TTC28: variants seen among roughly 807,000 people sequenced by gnomAD.
The protein encoded by TTC28 is tetratricopeptide repeat protein 28.
A neutral mutation model predicts 198.0 loss-of-function variants in TTC28; 61 were observed. That is an observed-to-expected ratio of 0.31 (90% CI 0.25 to 0.38). The LOEUF (loss-of-function observed/expected upper bound fraction) is 0.38. Ranked by LOEUF, TTC28 falls within the 10% of genes least tolerant of loss-of-function variation. The pLI, the probability that TTC28 is intolerant of heterozygous loss-of-function variation, is 1.00. For synonymous variants in TTC28, 1,171 were observed against 1,297.8 expected (o/e 0.90, Z 2.10); for missense variants, 2,678 against 3,164.0 (o/e 0.85, Z 3.69).
intron 3 of TTC28, among the ~76,000 whole-genome samples, chr22:28,301,087 C>T (rs549304680): frequency 5.3e-5 from 8 of 152,250 alleles, no homozygotes; most frequent in South Asian, 4.1e-4. Context: ...CAAATTTCTC[C>T]GCTTGGGTTG....
chr22:28,450,827 G>A (rs568688577), intron 2 of TTC28, among the ~76,000 whole-genome samples: 16 of 152,146 alleles, frequency 1.1e-4, no homozygotes, highest in Non-Finnish European at 2.4e-4. Context: ...CTTTCCAAAT[G>A]TTTCAGACAA....
intron 2 of TTC28, among the ~76,000 whole-genome samples, chr22:28,416,991 A>T (rs2047176180): frequency 6.6e-6 from 1 of 152,226 alleles, no homozygotes; most frequent in Non-Finnish European, 1.5e-5. Context: ...AGTTTCTTTT[A>T]GCACAGTTAT....
chr22:28,524,984 A>G (rs1010660927), intron 2 of TTC28, among the ~76,000 whole-genome samples: 1 of 152,242 alleles, frequency 6.6e-6, no homozygotes, highest in African/African-American at 2.4e-5. Flanking sequence ...GTTAATTTCA[A>G]TAACCATAAA....
At chr22:28,463,021 C>T (rs917997446) in intron 2 of TTC28, among the ~76,000 whole-genome samples, 1 of 152,184 alleles carries the variant, frequency 6.6e-6, no homozygotes, top group Non-Finnish European at 1.5e-5. Flanking sequence ...CAAAGATATG[C>T]AAATTTCCAA....
chr22:28,326,128 T>C (rs1284890089), intron 2 of TTC28, among the ~76,000 whole-genome samples: 1 of 152,062 alleles, frequency 6.6e-6, no homozygotes, highest in Non-Finnish European at 1.5e-5. Context: ...GATACATCCA[T>C]ACAATGAAAC....
chr22:28,141,786 A>G (rs1413839281), intron 6 of TTC28, among the ~76,000 whole-genome samples: 5 of 152,320 alleles, frequency 3.3e-5, no homozygotes, highest in African/African-American at 1.2e-4. Flanking sequence ...CATATAAAGG[A>G]CCATTTAATA....
At chr22:27,986,790 C>T (rs1346600288) in intron 21 of TTC28, among the ~76,000 whole-genome samples, 2 of 152,182 alleles carry the variant, frequency 1.3e-5, no homozygotes, top group Non-Finnish European at 2.9e-5. Context: ...GAATTAGGTT[C>T]ACTAGAGGAG....
chr22:28,193,879 G>A (rs937318834), intron 5 of TTC28, among the ~76,000 whole-genome samples: 4 of 152,192 alleles, frequency 2.6e-5, no homozygotes, highest in South Asian at 2.1e-4. Context: ...ACACATCAAC[G>A]AGACAGAAAG....
At chr22:28,038,270 A>T (rs1939448365) in intron 12 of TTC28, among the ~76,000 whole-genome samples, 1 of 152,208 alleles carries the variant, frequency 6.6e-6, no homozygotes, top group Non-Finnish European at 1.5e-5. Flanking sequence ...TTCAAACTAT[A>T]CTACAAGGCT....
intron 2 of TTC28, among the ~76,000 whole-genome samples, chr22:28,614,993 T>A (rs1369883412): frequency 1.3e-5 from 2 of 151,996 alleles, no homozygotes; most frequent in Non-Finnish European, 2.9e-5. Context: ...GAAACTATCA[T>A]CAGAGTGAAC....
At chr22:28,078,979 G>A (rs747453286) in intron 12 of TTC28, among the ~76,000 whole-genome samples, 1 of 152,158 alleles carries the variant, frequency 6.6e-6, no homozygotes, top group Non-Finnish European at 1.5e-5. Flanking sequence ...AGGCCAGGGG[G>A]CCACATGGAA....
chr22:28,547,451 A>G lies in TTC28; in HGVS notation c.381+82101T>C, dbSNP rs181515762. On this transcript the variant is annotated intron_variant, in intron 2 of 22. Coordinates refer to ENST00000397906, the MANE Select transcript of TTC28 (RefSeq NM_001145418.2). ...TTCATTTCAACAAAGTGGTTCTACC[A>G]TTAATAAACGATGTAAAACTACACT... Among the ~76,000 whole-genome samples, 16 of 152,360 alleles carry G rather than the reference A, an allele frequency of 1.1e-4. No homozygotes were observed. The East Asian group carries it at 2.7e-3, about 26-fold the overall frequency.
intron 2 of TTC28, among the ~76,000 whole-genome samples, chr22:28,446,517 C>T (rs189457473): frequency 1.3e-5 from 2 of 152,228 alleles, no homozygotes; most frequent in Admixed American, 6.5e-5. Flanking sequence ...TGTCCTCACT[C>T]GGAGTTCACT....
chr22:28,454,526 C>T (rs73882756), intron 2 of TTC28, among the ~76,000 whole-genome samples: 2,010 of 152,306 alleles, frequency 0.013, 45 homozygotes, highest in African/African-American at 0.046. Flanking sequence ...GACAGTTTTA[C>T]ACCCAGGAGT....
Position 28,531,641 on chromosome 22 carries a change from T to C in TTC28, c.381+97911A>G, listed in dbSNP as rs573790616. Among the ~76,000 whole-genome samples, 128 of 152,228 alleles carry C rather than the reference T, an allele frequency of 8.4e-4. 3 individuals are homozygous for C. The South Asian group carries it at 0.024, about 28-fold the overall frequency. Reference sequence around the variant, plus strand: ...GCACCACATCACACTTATTCCAAAATTGACCACATAGTTGGAAGTAAAGCA... The same window carrying C: ...GCACCACATCACACTTATTCCAAAACTGACCACATAGTTGGAAGTAAAGCA... On this transcript the variant is annotated intron_variant, in intron 2 of 22. Transcript: ENST00000397906.
intron 2 of TTC28, among the ~76,000 whole-genome samples, chr22:28,320,087 C>T (rs969902682): frequency 6.6e-6 from 1 of 152,102 alleles, no homozygotes; most frequent in Admixed American, 6.6e-5. Flanking sequence ...TCTGCTACTA[C>T]TATTTTTTCC....
chr22:28,083,715 T>A (rs1244363060), intron 12 of TTC28, among the ~76,000 whole-genome samples: 3 of 152,196 alleles, frequency 2.0e-5, no homozygotes, highest in Non-Finnish European at 4.4e-5. Flanking sequence ...GGGCGAGGCA[T>A]CGCTTCACCA....
chr22:28,484,631 C>T (rs2048295118), intron 2 of TTC28, among the ~76,000 whole-genome samples: 1 of 152,146 alleles, frequency 6.6e-6, no homozygotes. Context: ...TCCTCAGATC[C>T]TCTACCAAAG....
intron 2 of TTC28, among the ~76,000 whole-genome samples, chr22:28,347,735 G>A (rs1417757384): frequency 6.6e-6 from 1 of 152,112 alleles, no homozygotes; most frequent in African/African-American, 2.4e-5. Flanking sequence ...AGCCAGGTGT[G>A]GTGGCAGACC....
Sources: gnomAD v4.1 joint callset for allele counts (sites outside exome capture counted in the v4.1 genomes callset) on GRCh38, gnomAD v4.1.1 for gene constraint, MANE v1.5 for transcripts, NCBI Gene and HGNC (gene_info 2026-07-23, HGNC 2026-07-21) for gene names.